Variants in GSG1L observed in about 807,000 individuals in gnomAD.
The protein encoded by GSG1L is germ cell-specific gene 1-like protein.
GSG1L carries 24 observed loss-of-function variants against 42.1 expected under a neutral mutation model. The ratio of observed to expected loss-of-function variants is 0.57; its 90% CI spans 0.41 to 0.80. The LOEUF (loss-of-function observed/expected upper bound fraction) is 0.80, where lower values mean the gene tolerates loss of function less well. Among genes scored for constraint, GSG1L ranks in the 30% least tolerant of loss-of-function variants. The pLI, the probability that GSG1L is intolerant of heterozygous loss-of-function variation, is 0.00. For missense variants in GSG1L, 445 were observed against 472.2 expected (o/e 0.94, Z 0.53); for synonymous variants, 215 against 203.5 (o/e 1.06, Z -0.48).
intron 1 of GSG1L, among the ~76,000 whole-genome samples, chr16:27,968,810 T>C (rs1437671322): frequency 6.6e-6 from 1 of 152,202 alleles, no homozygotes; most frequent in African/African-American, 2.4e-5. Flanking sequence ...AATTCATACA[T>C]TTAAAGTATG....
intron 2 of GSG1L, among the ~76,000 whole-genome samples, chr16:27,945,017 G>C (rs8050903): frequency 0.49 from 71,975 of 148,208 alleles, 18,445 homozygotes; most frequent in African/African-American, 0.66. Context: ...GTGGAGGCTG[G>C]AGTGAGTTAT....
chr16:27,958,971 G>A (rs769818666), intron 2 of GSG1L, among the ~76,000 whole-genome samples: 42 of 151,876 alleles, frequency 2.8e-4, no homozygotes, highest in African/African-American at 8.4e-4. Context: ...CACTGCACCC[G>A]GCCACGGTTG....
Position 27,938,026 on chromosome 16 carries a change from C to CA in GSG1L, c.397+25129dup, listed in dbSNP as rs1182036698. Reference sequence around the variant, plus strand: ...CAATGAAATCTCTAGGTCTCCTTTTCAAAAAAAATCCAAAGAGAGAGATTC... The same window carrying CA: ...CAATGAAATCTCTAGGTCTCCTTTTCAAAAAAAAATCCAAAGAGAGAGATTC... On this transcript the variant is annotated intron_variant, in intron 2 of 6. Transcript: ENST00000447459. Among the ~76,000 whole-genome samples the CA allele has an allele frequency of 5.3e-5, 8 of 151,798 alleles. No individual in the cohort carries two copies. The South Asian group carries it at 8.3e-4, about 16-fold the overall frequency.
chr16:27,965,736 C>T (rs1176376274), intron 1 of GSG1L, among the ~76,000 whole-genome samples: 2 of 152,234 alleles, frequency 1.3e-5, no homozygotes, highest in East Asian at 3.8e-4. Flanking sequence ...CTCCGCTGGT[C>T]CAGCCACCAT....
intron 3 of GSG1L, among the ~76,000 whole-genome samples, chr16:27,850,988 G>A (rs939834070): frequency 6.6e-6 from 1 of 151,944 alleles, no homozygotes; most frequent in Admixed American, 6.6e-5. Flanking sequence ...GATAGAGAAT[G>A]TTTCCATGCC....
At chr16:27,847,936 T>C (rs1470806462) in intron 3 of GSG1L, among the ~76,000 whole-genome samples, 1 of 152,164 alleles carries the variant, frequency 6.6e-6, no homozygotes, top group Non-Finnish European at 1.5e-5. Context: ...AGTTACCCAG[T>C]CTCAGGTAGT....
chr16:28,010,800 G>A lies in GSG1L; in HGVS notation c.350-47597C>T, dbSNP rs180707723. 3.3e-5 allele frequency among the ~76,000 whole-genome samples: 5 copies of A among 152,252 alleles called. 1 individual carries two copies. In the East Asian group the frequency reaches 9.7e-4, roughly 29 times the overall value. Reference sequence around the variant, plus strand: ...GGCAACTGGTGCCCAGCAGGAGTGGGGAGCGTGTCATCTAGAACTCCCACA... The same window carrying A: ...GGCAACTGGTGCCCAGCAGGAGTGGAGAGCGTGTCATCTAGAACTCCCACA... On this transcript the variant is annotated intron_variant, in intron 1 of 6. Coordinates refer to ENST00000447459, the MANE Select transcript of GSG1L (RefSeq NM_001109763.2).
intron 1 of GSG1L, among the ~76,000 whole-genome samples, chr16:27,991,325 T>C (rs28793576): frequency 0.14 from 12,353 of 89,050 alleles, 1,572 homozygotes; most frequent in African/African-American, 0.36. Flanking sequence ...AGGTTCTCTG[T>C]TTTTTGTTTT....
chr16:27,854,180 G>A (rs1171550976), intron 3 of GSG1L, among the ~76,000 whole-genome samples: 1 of 150,972 alleles, frequency 6.6e-6, no homozygotes, highest in Non-Finnish European at 1.5e-5. Flanking sequence ...ACGCAGGGGA[G>A]GAAGAGGAGG....
chr16:28,051,651 G>A (rs1381263431), intron 1 of GSG1L, among the ~76,000 whole-genome samples: 1 of 152,236 alleles, frequency 6.6e-6, no homozygotes, highest in Non-Finnish European at 1.5e-5. Context: ...AGAGTTTCAG[G>A]CTAAGGGAGC....
intron 2 of GSG1L, among the ~76,000 whole-genome samples, chr16:27,898,540 T>C (rs2084218066): frequency 7.4e-6 from 1 of 134,260 alleles, no homozygotes; most frequent in African/African-American, 2.5e-5. Context: ...TTCCCTCCCC[T>C]GTCTTCCTCC....
At chr16:28,015,073 C>G (rs906329088) in intron 1 of GSG1L, among the ~76,000 whole-genome samples, 15 of 152,210 alleles carry the variant, frequency 9.9e-5, no homozygotes, top group African/African-American at 3.4e-4. Context: ...TTGGTTACAT[C>G]TGAGCTCAGT....
chr16:27,862,730 T>G (rs1288630800), intron 3 of GSG1L, among the ~76,000 whole-genome samples: 1 of 152,094 alleles, frequency 6.6e-6, no homozygotes, highest in Non-Finnish European at 1.5e-5. Context: ...GACACTAGTC[T>G]CCCAAACCTT....
chr16:27,892,789 C>CAAAAAAAAAAAAAAAAA (rs67758245), intron 2 of GSG1L, among the ~76,000 whole-genome samples: 1 of 96,688 alleles, frequency 1.0e-5, no homozygotes. Context: ...GACTCAGTCT[C>CAAAAAAAAAAAAAAAAA]AAAAAAAAAA....
intron 1 of GSG1L, among the ~76,000 whole-genome samples, chr16:28,007,042 C>T (rs2085648759): frequency 6.6e-6 from 1 of 152,216 alleles, no homozygotes; most frequent in Non-Finnish European, 1.5e-5. Context: ...TAGGCCCCTC[C>T]ACCACTCCAG....
intron 5 of GSG1L, among the ~76,000 whole-genome samples, chr16:27,809,151 G>A (rs1487755627): frequency 6.6e-6 from 1 of 152,176 alleles, no homozygotes; most frequent in Admixed American, 6.5e-5. Context: ...CTAGCATTTT[G>A]GGAGGCCGAG....
At chr16:27,851,908 C>T (rs997482699) in intron 3 of GSG1L, among the ~76,000 whole-genome samples, 1 of 152,300 alleles carries the variant, frequency 6.6e-6, no homozygotes, top group Admixed American at 6.5e-5. Flanking sequence ...GGACCAGAGC[C>T]CACATGACCC....
chr16:27,828,667 C>T, intron 5 of GSG1L, 122 bp downstream of exon 5: 2 of 906,938 alleles, frequency 2.2e-6, no homozygotes, highest in East Asian at 2.5e-5. Context: ...TGCCTCCCCC[C>T]TCCATAACCC....
chr16:27,849,197 C>CAAAAAAA (rs538757457), intron 3 of GSG1L, among the ~76,000 whole-genome samples: 1 of 113,624 alleles, frequency 8.8e-6, no homozygotes, highest in African/African-American at 3.3e-5. Flanking sequence ...GCCTCTATCC[C>CAAAAAAA]AAAAAGAAAA....
Sources: gnomAD v4.1 joint callset for allele counts (sites outside exome capture counted in the v4.1 genomes callset) on GRCh38, gnomAD v4.1.1 for gene constraint, MANE v1.5 for transcripts, NCBI Gene and HGNC (gene_info 2026-07-23, HGNC 2026-07-21) for gene names.